The following TJP2 variants were observed in gnomAD, a reference collection of about 807,000 sequenced individuals.
TJP2 encodes the protein tight junction protein 2, also known as Friedreich ataxia region gene X104 (tight junction protein ZO-2).
In TJP2, 91 loss-of-function variants were observed where a neutral mutation model predicts 133.1. The observed-to-expected ratio is 0.68, with a 90% CI of 0.58 to 0.81. The LOEUF (loss-of-function observed/expected upper bound fraction) is 0.81. Among genes scored for constraint, TJP2 ranks in the 40% least tolerant of loss-of-function variants. The probability of loss-of-function intolerance (pLI) is 0.00; values close to 1 mark genes in which losing one functional copy is unlikely to be tolerated. For synonymous variants in TJP2, 592 were observed against 583.4 expected (o/e 1.01, Z -0.21); for missense variants, 1,541 against 1,565.6 (o/e 0.98, Z 0.26).
At chr9:69,202,580 C>T (rs1174444836) in intron 1 of TJP2, among the ~76,000 whole-genome samples, 1 of 152,142 alleles carries the variant, frequency 6.6e-6, no homozygotes, top group African/African-American at 2.4e-5. Flanking sequence ...ATTTTATATG[C>T]TATATGTATT....
At chr9:69,218,751 A>T (rs748606900) in intron 4 of TJP2, among the ~76,000 whole-genome samples, 3 of 152,226 alleles carry the variant, frequency 2.0e-5, no homozygotes, top group African/African-American at 4.8e-5. Flanking sequence ...TCATTAGAAG[A>T]CTGTCTATAA....
chr9:69,196,646 C>T (rs1469142906), intron 1 of TJP2, among the ~76,000 whole-genome samples: 1 of 152,006 alleles, frequency 6.6e-6, no homozygotes, highest in African/African-American at 2.4e-5. Context: ...ATATACCATA[C>T]AATAAAAGTG....
intron 22 of TJP2, chr9:69,253,293 GTGC>G (rs1831473877): frequency 7.6e-6 from 2 of 263,920 alleles, no homozygotes; most frequent in South Asian, 1.0e-4. Context: ...CAGACCGCTT[GTGC>G]TGCCCTGGGG....
intron 1 of TJP2, among the ~76,000 whole-genome samples, chr9:69,142,066 C>CAGG (rs1257160607): frequency 6.6e-6 from 1 of 152,150 alleles, no homozygotes; most frequent in Non-Finnish European, 1.5e-5. Flanking sequence ...TGGGGACACA[C>CAGG]AGGAATGGAT....
At chr9:69,121,697 G>A (rs11145350) in exon 1 of TJP2, 1,620 of 152,802 alleles carry the variant, frequency 0.011, 36 homozygotes, top group African/African-American at 0.036. Context: ...GACACCGCCG[G>A]CCGCGGCGGC....
At chr9:69,206,689 T>G (rs1827440280) in intron 1 of TJP2, among the ~76,000 whole-genome samples, 1 of 152,164 alleles carries the variant, frequency 6.6e-6, no homozygotes, top group Non-Finnish European at 1.5e-5. Flanking sequence ...GCCATTCTCC[T>G]GCCTCAGCCT....
At chr9:69,246,941 A>G in intron 18 of TJP2, 151 bp downstream of exon 18, 1 of 737,482 alleles carries the variant, frequency 1.4e-6, no homozygotes, top group Non-Finnish European at 2.4e-6. Flanking sequence ...TCTCTGACCA[A>G]GTAATAAAAA....
At chr9:69,216,185 T>C (rs1828360999) in intron 2 of TJP2, among the ~76,000 whole-genome samples, 154 bp from the exon 3 acceptor site, 1 of 152,230 alleles carries the variant, frequency 6.6e-6, no homozygotes, top group Non-Finnish European at 1.5e-5. Flanking sequence ...ACAATGACTA[T>C]GCTTTGTTTT....
chr9:69,185,292 C>T (rs1323445907), intron 1 of TJP2, among the ~76,000 whole-genome samples: 1 of 152,016 alleles, frequency 6.6e-6, no homozygotes. Context: ...GAACTCCTGA[C>T]CTCAGGTGAT....
At chr9:69,178,543 T>C (rs930132610) in intron 1 of TJP2, among the ~76,000 whole-genome samples, 3 of 152,212 alleles carry the variant, frequency 2.0e-5, no homozygotes, top group African/African-American at 7.2e-5. Flanking sequence ...CTGGTATACC[T>C]TGACCACGCC....
chr9:69,227,914 A>G (rs1829469932), intron 8 of TJP2, 41 bp downstream of exon 8: 4 of 1,613,134 alleles, frequency 2.5e-6, no homozygotes, highest in South Asian at 1.1e-5. Flanking sequence ...GTCATTGTGA[A>G]TGTACACACA....
intron 2 of TJP2, among the ~76,000 whole-genome samples, chr9:69,165,741 G>C (rs1564394691): frequency 6.6e-6 from 1 of 152,124 alleles, no homozygotes; most frequent in African/African-American, 2.4e-5. Flanking sequence ...TCATACTTTG[G>C]AGCACCTTGG....
At chr9:69,148,271 G>T (rs1237443628) in intron 1 of TJP2, among the ~76,000 whole-genome samples, 9 of 71,450 alleles carry the variant, frequency 1.3e-4, no homozygotes, top group Admixed American at 2.0e-4. Flanking sequence ...TTGAGACACA[G>T]TCTCAAAAAA....
chr9:69,171,225 C>G (rs1329465515), upstream of TJP2, among the ~76,000 whole-genome samples: 1 of 152,220 alleles, frequency 6.6e-6, no homozygotes, highest in Non-Finnish European at 1.5e-5. Flanking sequence ...CATATCTAGT[C>G]AGGCAGTCAT....
At chr9:69,202,966 G>C (rs1481196809) in intron 1 of TJP2, among the ~76,000 whole-genome samples, 1 of 152,194 alleles carries the variant, frequency 6.6e-6, no homozygotes, top group Admixed American at 6.5e-5. Flanking sequence ...TAGAAACTAT[G>C]ACCTCTGGAA....
chr9:69,183,748 A>AT (rs1045773461), intron 1 of TJP2, among the ~76,000 whole-genome samples: 25 of 152,252 alleles, frequency 1.6e-4, no homozygotes, highest in African/African-American at 6.0e-4. Flanking sequence ...TAAAAAAAAT[A>AT]TTTTTTGAGA....
At chr9:69,182,176 A>G (rs1192734485) in intron 1 of TJP2, among the ~76,000 whole-genome samples, 3 of 152,220 alleles carry the variant, frequency 2.0e-5, no homozygotes, top group Non-Finnish European at 4.4e-5. Flanking sequence ...GAGTTTCAGC[A>G]TAACTTCAGG....
intron 2 of TJP2, among the ~76,000 whole-genome samples, chr9:69,164,581 T>C (rs984027821): frequency 6.6e-6 from 1 of 152,218 alleles, no homozygotes; most frequent in Non-Finnish European, 1.5e-5. Flanking sequence ...GCATTGACCT[T>C]TTTAATATTT....
intron 1 of TJP2, among the ~76,000 whole-genome samples, chr9:69,146,324 A>G (rs976182052): frequency 6.6e-6 from 1 of 152,206 alleles, no homozygotes; most frequent in East Asian, 1.9e-4. Context: ...TTCTTTATGC[A>G]TAGCTACAAG....
Sources: gnomAD v4.1 joint callset for allele counts (sites outside exome capture counted in the v4.1 genomes callset) on GRCh38, gnomAD v4.1.1 for gene constraint, MANE v1.5 for transcripts, NCBI Gene and HGNC (gene_info 2026-07-23, HGNC 2026-07-21) for gene names.